HEATR4: variants seen among roughly 807,000 people sequenced by gnomAD.
HEATR4 encodes the protein HEAT repeat-containing protein 4.
In HEATR4, 95 loss-of-function variants were observed where a neutral mutation model predicts 108.8. The ratio of observed to expected loss-of-function variants is 0.87; its 90% CI spans 0.74 to 1.04. The LOEUF is 1.04. HEATR4 is among the 50% of genes least tolerant of loss of function. The probability of loss-of-function intolerance (pLI) is 0.00; values close to 1 mark genes in which losing one functional copy is unlikely to be tolerated. For missense variants in HEATR4, 1,152 were observed against 1,253.8 expected, an observed-to-expected ratio of 0.92 and a Z score of 1.23; for synonymous variants, 443 against 459.4, an observed-to-expected ratio of 0.96 and a Z score of 0.46.
the HEATR4 span, among the ~76,000 whole-genome samples, chr14:73,585,240 G>A: frequency 6.6e-6 from 1 of 152,144 alleles, no homozygotes; most frequent in Non-Finnish European, 1.5e-5. Flanking sequence ...GCCTGGCCCA[G>A]CAGGACAGGC....
the HEATR4 span, chr14:73,612,588 T>C: frequency 7.1e-7 from 1 of 1,409,224 alleles, no homozygotes; most frequent in Non-Finnish European, 9.3e-7. Context: ...GCGACGCTGA[T>C]CCTGGAGCCC....
chr14:73,544,797 G>A (rs1204514651), intron 1 of HEATR4, among the ~76,000 whole-genome samples: 3 of 112,562 alleles, frequency 2.7e-5, no homozygotes, highest in Non-Finnish European at 5.8e-5. Flanking sequence ...ACATTGTGGC[G>A]GATGCCTGTA....
chr14:73,600,940 A>G, the HEATR4 span, among the ~76,000 whole-genome samples: 1 of 151,856 alleles, frequency 6.6e-6, no homozygotes, highest in South Asian at 2.1e-4. Context: ...CAGGAGTTCG[A>G]GACCAGCCCG....
the HEATR4 span, chr14:73,616,960 A>C: frequency 1.6e-6 from 1 of 623,380 alleles, no homozygotes; most frequent in Non-Finnish European, 2.9e-6. Context: ...TGAGAAACTA[A>C]AGCTCCCTGT....
the HEATR4 span, among the ~76,000 whole-genome samples, chr14:73,610,238 T>A: frequency 6.6e-6 from 1 of 151,926 alleles, no homozygotes. Context: ...ATGCAATATA[T>A]TCCGGCCATG....
the HEATR4 span, among the ~76,000 whole-genome samples, chr14:73,602,702 C>T: frequency 6.6e-6 from 1 of 152,144 alleles, no homozygotes; most frequent in African/African-American, 2.4e-5. Context: ...TGTATTAGAA[C>T]GTAGAAATTC....
the HEATR4 span, among the ~76,000 whole-genome samples, chr14:73,621,761 C>CTTTTT: frequency 2.0e-3 from 218 of 109,484 alleles, no homozygotes; most frequent in African/African-American, 3.8e-3. Context: ...TTCTTTCTTT[C>CTTTTT]TTTTTTTTTT....
chr14:73,579,542 T>G, the HEATR4 span, among the ~76,000 whole-genome samples: 2 of 126,624 alleles, frequency 1.6e-5, no homozygotes, highest in Non-Finnish European at 3.1e-5. Context: ...GCCACTGCAC[T>G]CCAGCCTGGG....
At chr14:73,597,651 T>A in the HEATR4 span, among the ~76,000 whole-genome samples, 1 of 138,066 alleles carries the variant, frequency 7.2e-6, no homozygotes, top group South Asian at 2.5e-4. Flanking sequence ...TGGAGTGCAA[T>A]AGCACAATCT....
At chr14:73,585,364 C>T in the HEATR4 span, among the ~76,000 whole-genome samples, 3 of 152,098 alleles carry the variant, frequency 2.0e-5, no homozygotes, top group Non-Finnish European at 4.4e-5. Context: ...TCTTCTCCCC[C>T]AGGTGCCAAG....
the HEATR4 span, among the ~76,000 whole-genome samples, chr14:73,577,297 A>G: frequency 2.0e-4 from 27 of 138,240 alleles, no homozygotes; most frequent in Non-Finnish European, 3.4e-4. Flanking sequence ...GATCTACAGT[A>G]GAGAGATGAT....
chr14:73,583,880 G>A, the HEATR4 span, among the ~76,000 whole-genome samples: 74 of 151,914 alleles, frequency 4.9e-4, no homozygotes, highest in African/African-American at 1.4e-3. Context: ...CGCACCTGTA[G>A]TCCCAGCTAC....
chr14:73,502,855 G>C lies in HEATR4; in HGVS notation c.2105+40C>G, dbSNP rs750874906. ...CAGCCTGCCTCCTAAACACTTCTAA[G>C]AATTTAGAAGAGTGTCTCCTCATGT... On this transcript the variant is annotated intron_variant, in intron 11 of 17. Transcript: ENST00000553558. 3.4e-6 allele frequency: 5 copies of C among 1,491,042 alleles called. No individual in the cohort carries two copies. In the East Asian group the frequency reaches 1.1e-4, roughly 34 times the overall value. 92.4% of individuals were successfully genotyped at this position (1,491,042 alleles called of 1,614,324 possible). A position where few individuals can be genotyped will look rare whatever the true frequency, so the allele number is the denominator to read the frequency against.
chr14:73,500,741 C>T lies in HEATR4; in HGVS notation c.2106-11G>A, dbSNP rs1886406288. The T allele has an allele frequency of 1.9e-6, 3 of 1,609,720 alleles. No individual in the cohort carries two copies. The highest frequency in any genetic ancestry group is 2.7e-5 in the African/African-American group (2 of 74,854). ...TGACCTAGCTTGACCCTGTAAGGCA[C>T]AAGTTGCTTTCCTTTCACCTCCTTA... On this transcript the variant is annotated splice_polypyrimidine_tract_variant and intron_variant, in intron 11 of 17. Transcript: ENST00000553558.
At chr14:73,585,820 C>CTTTTT in the HEATR4 span, among the ~76,000 whole-genome samples, 19 of 115,536 alleles carry the variant, frequency 1.6e-4, no homozygotes, top group African/African-American at 6.6e-4. Context: ...TTGTCTTTTT[C>CTTTTT]TTTTTTTTTT....
rs771686617 is a variant in HEATR4, at chr14:73,519,086, G to A, written c.1147C>T (p.Gln383Ter). 23 of 1,613,904 alleles carry A rather than the reference G, an allele frequency of 1.4e-5. No homozygotes were observed. The highest frequency in any genetic ancestry group is 5.0e-5 in the Admixed American group (3 of 59,986). Residue 383 changes from glutamine to a stop codon, truncating the protein, a stop_gained, in exon 5 of 18, where the codon CAG becomes TAG. Coordinates refer to ENST00000553558, the MANE Select transcript of HEATR4 (RefSeq NM_001220484.1). LOFTEE classifies it high-confidence loss of function. ...GTTTCAGGGAAGACCTTAGATAGCT[G>A]CTTGTTGTACCGATTTAGGTTTTCC... ...VLENLNRYNKQLSKVFPETPE... is the reference protein window; with the variant it reads ...VLENLNRYNK
the HEATR4 span, among the ~76,000 whole-genome samples, chr14:73,576,224 T>C: frequency 6.6e-6 from 1 of 151,882 alleles, no homozygotes; most frequent in Admixed American, 6.6e-5. Flanking sequence ...AAGCACATAA[T>C]ATAAAAAGTG....
At chr14:73,514,885 G>A (rs759786182) in intron 5 of HEATR4, among the ~76,000 whole-genome samples, 9 of 151,846 alleles carry the variant, frequency 5.9e-5, no homozygotes, top group Non-Finnish European at 7.4e-5. Context: ...TGGCTAACAC[G>A]GTGAAAACCC....
chr14:73,576,815 A>G, the HEATR4 span, among the ~76,000 whole-genome samples: 12 of 146,578 alleles, frequency 8.2e-5, no homozygotes, highest in Admixed American at 1.4e-4. Flanking sequence ...AAAAAAAAAA[A>G]AAAAAGACAA....
Sources: allele counts gnomAD v4.1 joint callset (sites outside exome capture counted in the v4.1 genomes callset), GRCh38; gene constraint gnomAD v4.1.1; transcripts MANE v1.5; gene names NCBI Gene and HGNC (gene_info 2026-07-23, HGNC 2026-07-21).